Variants in RAP1B observed in about 807,000 individuals in gnomAD.
The protein encoded by RAP1B is RAP1B, member of RAS oncogene family.
Under a neutral mutation model 27.5 loss-of-function variants are expected in RAP1B, and 1 was observed. The observed-to-expected ratio is 0.04, with a 90% confidence interval of 0.01 to 0.17. The LOEUF (loss-of-function observed/expected upper bound fraction) is 0.17. RAP1B is among the 10% of genes least tolerant of loss of function. RAP1B has a pLI of 1.00. For missense variants in RAP1B, 84 were observed against 214.8 expected, an observed-to-expected ratio of 0.39 and a Z score of 3.81; for synonymous variants, 75 against 73.1, an observed-to-expected ratio of 1.03 and a Z score of -0.13.
In RAP1B at chr12:68,657,214, C is replaced by T. The variant is rs141455498; in HGVS notation, c.*27C>T. 67 of 1,559,802 alleles carry T rather than the reference C, an allele frequency of 4.3e-5. No homozygotes were observed. The African/African-American group carries it at 7.9e-4, about 18-fold the overall frequency. ...ATACTAAATGCATTGTAGCTCTGAG[C>T]CAGGTATGTTCACTTATCTTTCCTC... On this transcript the variant is annotated 3_prime_UTR_variant, in exon 7 of 8. Transcript: ENST00000250559.
rs1186338026 is a variant in RAP1B at position 68,656,334 on chromosome 12, G to A, written c.353G>A (p.Cys118Tyr). ...DVPMILVGNKCDLEDERVVGK... is the reference protein window; with the variant it reads ...DVPMILVGNKYDLEDERVVGK... The stretch of plus-strand genomic sequence containing the variant: ...CCAATGATTCTTGTTGGTAATAAGT[G>A]TGACTTGGAAGATGAAAGAGTTGTA... The change falls in exon 6 of 8, where the codon TGT (cysteine) becomes TAT (tyrosine). Residue 118 changes from cysteine (C) to tyrosine (Y), a missense_variant. Physicochemically the swap from Cys to Tyr is radical, Grantham distance 194 (BLOSUM62 -2). Transcript: ENST00000250559. 3 of 1,606,828 alleles carry A rather than the reference G, an allele frequency of 1.9e-6. No homozygotes were observed. The highest frequency in any genetic ancestry group is 2.2e-5 in the South Asian group (2 of 90,926).
intron 1 of RAP1B, chr12:68,647,885 C>A (rs1592459329): frequency 6.6e-6 from 1 of 152,134 alleles, no homozygotes; most frequent in African/African-American, 2.4e-5. Flanking sequence ...GTTATAGTAG[C>A]TTTGTTAACC....
intron 1 of RAP1B, among the ~76,000 whole-genome samples, chr12:68,614,179 T>G (rs1870816404): frequency 6.6e-6 from 1 of 152,214 alleles, no homozygotes; most frequent in African/African-American, 2.4e-5. Flanking sequence ...TGCCTTTTGT[T>G]GTAGGTACTC....
rs543678463 is a variant in RAP1B at position 68,611,483 on chromosome 12, A to G, written c.-27+440A>G. 2.0e-5 allele frequency among the ~76,000 whole-genome samples: 3 copies of G among 151,748 alleles called. No individual in the cohort carries two copies. In the East Asian group the frequency reaches 5.8e-4, roughly 30 times the overall value. ...TTGTCGCCTGGGTTCCCTCCGTGGT[A>G]TGGGTGGAAGTTAGAACGGAAACCA... On this transcript the variant is annotated intron_variant, in intron 1 of 7. Transcript: ENST00000250559.
chr12:68,631,889 T>C (rs2135935207), intron 1 of RAP1B, among the ~76,000 whole-genome samples: 1 of 152,154 alleles, frequency 6.6e-6, no homozygotes, highest in East Asian at 1.9e-4. Flanking sequence ...CAAATTCCTG[T>C]CAGAACATAT....
chr12:68,653,379 A>G (rs902031711), intron 4 of RAP1B, among the ~76,000 whole-genome samples: 2 of 152,106 alleles, frequency 1.3e-5, no homozygotes, highest in African/African-American at 2.4e-5. Flanking sequence ...TGTTACCTTC[A>G]AATGCTCACA....
rs781700022 is a variant in RAP1B at position 68,650,479 on chromosome 12, C to T, written c.126+11C>T. Reference sequence around the variant, plus strand: ...GATTCTTATAGAAAGGTATATATTACTTTGGAAGGCCTTTTGCTTTTGATT... The same window carrying T: ...GATTCTTATAGAAAGGTATATATTATTTTGGAAGGCCTTTTGCTTTTGATT... On this transcript the variant is annotated intron_variant, in intron 3 of 7. Coordinates refer to ENST00000250559, the MANE Select transcript of RAP1B (RefSeq NM_001010942.3). 6 of 1,480,606 alleles carry T rather than the reference C, an allele frequency of 4.1e-6. No homozygotes were observed. In the East Asian group the frequency reaches 9.9e-5, roughly 24 times the overall value. 91.7% of individuals were successfully genotyped at this position (1,480,606 alleles called of 1,614,324 possible). A position where few individuals can be genotyped will look rare whatever the true frequency, so the allele number is the denominator to read the frequency against.
At chr12:68,613,951 C>G (rs1280531638) in intron 1 of RAP1B, among the ~76,000 whole-genome samples, 1 of 152,108 alleles carries the variant, frequency 6.6e-6, no homozygotes, top group East Asian at 1.9e-4. Flanking sequence ...TGACCCCCTC[C>G]CATAATAAAG....
intron 1 of RAP1B, among the ~76,000 whole-genome samples, chr12:68,647,470 C>A (rs1873513195): frequency 6.7e-6 from 1 of 148,710 alleles, no homozygotes; most frequent in African/African-American, 2.5e-5. Context: ...ATCCACCCAC[C>A]TCAGCCTCCC....
At chr12:68,626,770 G>C in intron 1 of RAP1B, 1 of 1,185,976 alleles carries the variant, frequency 8.4e-7, no homozygotes, top group Non-Finnish European at 1.2e-6. Context: ...GAATTTTCCA[G>C]GGTGTTTTTT....
In RAP1B at chr12:68,671,020, C is replaced by T. The variant is rs1875067691; in HGVS notation, c.*11771C>T. On this transcript the variant is annotated 3_prime_UTR_variant, in exon 8 of 8. Transcript: ENST00000250559. ...TCCAGCCTGGGCAACAAGAGTGATACTCCGTTTAAAAAAAAAAAAAAAAAA... is the reference window on the plus strand; with the variant it reads ...TCCAGCCTGGGCAACAAGAGTGATATTCCGTTTAAAAAAAAAAAAAAAAAA... The T allele has an allele frequency of 1.5e-5, 2 of 133,664 alleles. No individual in the cohort carries two copies. The highest frequency in any genetic ancestry group is 7.8e-5 in the Admixed American group (1 of 12,846). The allele number at this position is 133,664 out of a possible 1,614,324, so 8.3% of individuals were successfully genotyped here.
At chr12:68,636,727 T>TC (rs912671477) in intron 1 of RAP1B, among the ~76,000 whole-genome samples, 1 of 151,914 alleles carries the variant, frequency 6.6e-6, no homozygotes, top group Admixed American at 6.6e-5. Flanking sequence ...TCCCTGCTGT[T>TC]TTTTTTTGAG....
chr12:68,638,705 AG>A (rs779280571), intron 1 of RAP1B, among the ~76,000 whole-genome samples: 3 of 152,212 alleles, frequency 2.0e-5, no homozygotes, highest in Non-Finnish European at 4.4e-5. Context: ...TGTATGCCTA[AG>A]CTGGAGTGCA....
chr12:68,656,633 T>C (rs1256742743), intron 6 of RAP1B, 184 bp downstream of exon 6: 2 of 623,360 alleles, frequency 3.2e-6, no homozygotes, highest in Non-Finnish European at 5.6e-6. Context: ...TCAGTCTCTA[T>C]TAAATACTTG....
chr12:68,626,130 C>T lies in RAP1B; in HGVS notation c.-27+15087C>T, dbSNP rs139843535. Among the ~76,000 whole-genome samples the T allele has an allele frequency of 2.0e-4, 30 of 152,282 alleles. No homozygotes were observed. The East Asian group carries it at 4.6e-3, about 24-fold the overall frequency. ...AAATCATGTTTTAAAAAAGCTTCAC[C>T]CATCCTTGTGGAGGGTGGTGGTTTG... On this transcript the variant is annotated intron_variant, in intron 1 of 7. Transcript: ENST00000250559.
intron 5 of RAP1B, 101 bp downstream of exon 5, chr12:68,654,353 G>GGT: frequency 2.2e-6 from 1 of 450,956 alleles, no homozygotes; most frequent in Non-Finnish European, 3.3e-6. Flanking sequence ...ATTTTGGTTG[G>GGT]GGGGGGGGTG....
intron 1 of RAP1B, among the ~76,000 whole-genome samples, chr12:68,641,993 A>G (rs746937174): frequency 4.1e-4 from 63 of 152,196 alleles, no homozygotes; most frequent in Admixed American, 9.2e-4. Context: ...CTGATGAAGT[A>G]TCGTATAGTT....
chr12:68,653,956 A>G (rs1874009904), intron 4 of RAP1B, among the ~76,000 whole-genome samples, 156 bp from the exon 5 acceptor site: 1 of 152,152 alleles, frequency 6.6e-6, no homozygotes, highest in Non-Finnish European at 1.5e-5. Flanking sequence ...TAAAATGCCA[A>G]TTTTTTCAAA....
intron 4 of RAP1B, 34 bp from the exon 5 acceptor site, chr12:68,654,078 A>G (rs752829593): frequency 2.0e-6 from 3 of 1,532,862 alleles, no homozygotes; most frequent in South Asian, 1.1e-5. Flanking sequence ...TCAAAACATT[A>G]TTGTTTTTTA....
Sources: allele counts gnomAD v4.1 joint callset (sites outside exome capture counted in the v4.1 genomes callset), GRCh38; gene constraint gnomAD v4.1.1; transcripts MANE v1.5; gene names NCBI Gene and HGNC (gene_info 2026-07-23, HGNC 2026-07-21).